The following MYH9 variants were observed in gnomAD, a reference collection of about 807,000 sequenced individuals.
MYH9 encodes the protein myosin heavy chain 9.
A neutral mutation model predicts 241.9 loss-of-function variants in MYH9; 29 were observed. The ratio of observed to expected loss-of-function variants is 0.12; its 90% CI spans 0.09 to 0.16. MYH9 has a LOEUF of 0.16. Among genes scored for constraint, MYH9 ranks in the 10% least tolerant of loss-of-function variants. The pLI, the probability that MYH9 is intolerant of heterozygous loss-of-function variation, is 1.00. For synonymous variants in MYH9, 1,047 were observed against 1,062.6 expected (o/e 0.99, Z 0.29); for missense variants, 1,803 against 2,595.5 (o/e 0.69, Z 6.63).
chr22:36,293,814 G>T lies in MYH9; in HGVS notation c.3887C>A (p.Ser1296Tyr), dbSNP rs866606224. 2 of 1,613,956 alleles carry T rather than the reference G, an allele frequency of 1.2e-6. No individual in the cohort carries two copies. Among genetic ancestry groups the T allele is most frequent in the African/African-American group, 2.7e-5 (2 of 75,032 alleles). Residue 1296 changes from serine to tyrosine, a missense_variant, in exon 29 of 41, where the codon TCC becomes TAC. Ser to Tyr is a moderately radical substitution (Grantham distance 144). Coordinates refer to ENST00000216181, the MANE Select transcript of MYH9 (RefSeq NM_002473.6). The surrounding 1 kb of genome is among the most constrained non-coding windows in gnomAD (Gnocchi z 5.1). Reference sequence around the variant, plus strand: ...GGAGAAGTCCTTGGTGAGCTTGCTGGACTTGCTGTCGGACTGGCTGAGAAG... The same window carrying T: ...GGAGAAGTCCTTGGTGAGCTTGCTGTACTTGCTGTCGGACTGGCTGAGAAG... ...TGLLSQSDSK[S>Y]SKLTKDFSAL...
At chr22:36,331,795 C>T (rs911967641) in intron 3 of MYH9, among the ~76,000 whole-genome samples, 1 of 152,198 alleles carries the variant, frequency 6.6e-6, no homozygotes, top group African/African-American at 2.4e-5. Flanking sequence ...CCCTGCAGGA[C>T]CCCATCTTCG....
chr22:36,355,526 C>A (rs1364338028), intron 1 of MYH9, among the ~76,000 whole-genome samples: 3 of 152,150 alleles, frequency 2.0e-5, no homozygotes, highest in Non-Finnish European at 4.4e-5. Flanking sequence ...CATTTCCACT[C>A]CCAGACAACG....
At chr22:36,332,272 GCAAA>G (rs1164327371) in intron 3 of MYH9, among the ~76,000 whole-genome samples, 11 of 152,346 alleles carry the variant, frequency 7.2e-5, no homozygotes, top group African/African-American at 2.4e-4. Flanking sequence ...TCTTTGGGAG[GCAAA>G]CAGAGAGGTG....
chr22:36,302,517 G>C, intron 20 of MYH9, 51 bp downstream of exon 20: 1 of 1,422,940 alleles, frequency 7.0e-7, no homozygotes, highest in Non-Finnish European at 9.9e-7. Flanking sequence ...GGTATGTATG[G>C]TGGTGTGCAC....
chr22:36,362,103 C>T (rs1391442692), intron 1 of MYH9, among the ~76,000 whole-genome samples: 3 of 152,070 alleles, frequency 2.0e-5, no homozygotes, highest in Admixed American at 1.3e-4. Flanking sequence ...CCTCCCTTAC[C>T]TGCATGGAGG....
In MYH9 at chr22:36,305,892, C is replaced by T; in HGVS notation, c.2159+38G>A. On this transcript the variant is annotated intron_variant, in intron 17 of 40. Coordinates refer to ENST00000216181, the MANE Select transcript of MYH9 (RefSeq NM_002473.6). The surrounding 1 kb of genome is among the most constrained non-coding windows in gnomAD (Gnocchi z 4.7). ...CCTCTGGGACTCACTGCACGCACAG[C>T]AGGGCCCAGGAGAAGCGGGCTCCGG... 1 of 1,611,670 alleles carries T rather than the reference C, an allele frequency of 6.2e-7. No individual in the cohort carries two copies. The highest frequency in any genetic ancestry group is 8.5e-7 in the Non-Finnish European group (1 of 1,179,406).
intron 20 of MYH9, 100 bp downstream of exon 20, chr22:36,302,468 T>G: frequency 4.7e-6 from 5 of 1,060,802 alleles, no homozygotes; most frequent in Non-Finnish European, 7.1e-6. Context: ...GGCGACATGG[T>G]GAGACCACAC....
At chr22:36,371,366 C>G (rs921513102) in intron 1 of MYH9, among the ~76,000 whole-genome samples, 3 of 152,124 alleles carry the variant, frequency 2.0e-5, no homozygotes, top group African/African-American at 4.8e-5. Flanking sequence ...CATGTGAGGA[C>G]ACAGTTGGCA....
intron 3 of MYH9, among the ~76,000 whole-genome samples, chr22:36,332,684 A>AAC (rs2017443114): frequency 6.6e-6 from 1 of 151,132 alleles, no homozygotes; most frequent in Non-Finnish European, 1.5e-5. Context: ...AAAAAAAAAA[A>AAC]AAAAAACCTC....
At chr22:36,362,891 G>C (rs1405414428) in intron 1 of MYH9, among the ~76,000 whole-genome samples, 1 of 152,162 alleles carries the variant, frequency 6.6e-6, no homozygotes, top group Non-Finnish European at 1.5e-5. Context: ...AGCATGGATA[G>C]AAGTGTGCCC....
intron 19 of MYH9, 33 bp from the exon 20 acceptor site, chr22:36,302,709 AGTGGACAGCAG>A: frequency 6.3e-7 from 1 of 1,582,126 alleles, no homozygotes; most frequent in Non-Finnish European, 8.7e-7. Context: ...AGCGCGGAGC[AGTGGACAGCAG>A]ACCCGACCTA....
At chr22:36,326,477 A>T (rs2017337304) in intron 5 of MYH9, 91 bp downstream of exon 5, 1 of 1,188,980 alleles carries the variant, frequency 8.4e-7, no homozygotes, top group Non-Finnish European at 1.3e-6. Context: ...ATCCTCTTGT[A>T]AAGCTGAAGC....
chr22:36,286,622 C>T (rs2016585585), intron 35 of MYH9, 96 bp downstream of exon 35: 34 of 1,562,034 alleles, frequency 2.2e-5, no homozygotes, highest in Non-Finnish European at 2.9e-5. Flanking sequence ...TCCTGGAGCC[C>T]AGTAGGACTC....
chr22:36,337,268 A>C (rs1225846632), intron 3 of MYH9, among the ~76,000 whole-genome samples: 7 of 152,192 alleles, frequency 4.6e-5, no homozygotes, highest in African/African-American at 1.4e-4. Flanking sequence ...GCTGCTAAAA[A>C]TCCTACAGTG....
intron 12 of MYH9, among the ~76,000 whole-genome samples, chr22:36,314,671 CAG>C (rs1466724075): frequency 2.0e-5 from 3 of 150,744 alleles, no homozygotes; most frequent in African/African-American, 7.3e-5. Context: ...TTTTTTGAGA[CAG>C]AGTCTCATTC....
At chr22:36,379,560 G>A (rs943184638) in intron 1 of MYH9, among the ~76,000 whole-genome samples, 2 of 152,256 alleles carry the variant, frequency 1.3e-5, no homozygotes, top group Non-Finnish European at 2.9e-5. Flanking sequence ...AAGAAGGCAA[G>A]AGAGGGACCT....
At position 36,299,927 on chromosome 22, in the gene MYH9, C is replaced by T. The variant is rs541998005; in HGVS notation, c.2976+200G>A. Among the ~76,000 whole-genome samples the T allele has an allele frequency of 3.3e-5, 5 of 152,332 alleles. No homozygotes were observed. The East Asian group carries it at 5.8e-4, about 18-fold the overall frequency. ...GGAAAGGACAAACCCTTCCCCAGGG[C>T]CCCTTTGCTTATGAGGAAATCCCTC... is the stretch of plus-strand genomic sequence containing the variant. On this transcript the variant is annotated intron_variant, in intron 23 of 40. Coordinates refer to ENST00000216181, the MANE Select transcript of MYH9 (RefSeq NM_002473.6).
At position 36,347,038 on chromosome 22, in the gene MYH9, G is replaced by C. The variant is rs186359554; in HGVS notation, c.333+1866C>G. Among the ~76,000 whole-genome samples the C allele has an allele frequency of 4.8e-3, 726 of 152,262 alleles. 1 individual carries two copies. The highest frequency in any genetic ancestry group is 7.5e-3 in the Non-Finnish European group (508 of 68,004). ...GCTATTTTAGGAATAATAACAAGCA[G>C]ATATTTCTTTCCCACTGGGGACAAA... On this transcript the variant is annotated intron_variant, in intron 2 of 40. Transcript: ENST00000216181.
In MYH9 at chr22:36,384,613, T is replaced by A. The variant is rs5756173; in HGVS notation, c.-20+3194A>T. Reference sequence around the variant, plus strand: ...AAAAAAAAAAAAAAAAAAAAAAAAATATATATATATATATATATATATATA... The same window carrying A: ...AAAAAAAAAAAAAAAAAAAAAAAAAAATATATATATATATATATATATATA... On this transcript the variant is annotated intron_variant, in intron 1 of 40. Transcript: ENST00000216181. Among the ~76,000 whole-genome samples the A allele has an allele frequency of 7.3e-3, 139 of 19,088 alleles. 9 individuals are homozygous for A. Among genetic ancestry groups the A allele is most frequent in the South Asian group, 0.029 (6 of 206 alleles). The allele number at this position is 19,088 out of a possible 152,430, so 12.5% of individuals were successfully genotyped here.
Sources: allele counts gnomAD v4.1 joint callset (sites outside exome capture counted in the v4.1 genomes callset), GRCh38; gene constraint gnomAD v4.1.1; non-coding constraint Gnocchi (gnomAD v3.1); transcripts MANE v1.5; gene names NCBI Gene and HGNC (gene_info 2026-07-23, HGNC 2026-07-21).